The following SLC24A4 variants were observed in gnomAD, a reference collection of about 807,000 sequenced individuals.
The protein encoded by SLC24A4 is sodium/potassium/calcium exchanger 4.
In SLC24A4, 53 loss-of-function variants were observed where a neutral mutation model predicts 79.0. The observed-to-expected ratio is 0.67, with a 90% CI of 0.54 to 0.84. The LOEUF (loss-of-function observed/expected upper bound fraction) is 0.84, where lower values mean the gene tolerates loss of function less well. Among genes scored for constraint, SLC24A4 ranks in the 40% least tolerant of loss-of-function variants. SLC24A4 has a pLI of 0.00. For missense variants in SLC24A4, 731 were observed against 822.0 expected (o/e 0.89, Z 1.35); for synonymous variants, 323 against 323.8 (o/e 1.00, Z 0.03).
chr14:92,372,735 C>T (rs1888240339), intron 2 of SLC24A4, among the ~76,000 whole-genome samples: 1 of 152,140 alleles, frequency 6.6e-6, no homozygotes. Flanking sequence ...GCCCCTCAGC[C>T]TTGCTGAACT....
intron 9 of SLC24A4, among the ~76,000 whole-genome samples, chr14:92,448,859 C>A (rs1471297950): frequency 6.6e-6 from 1 of 152,148 alleles, no homozygotes; most frequent in Non-Finnish European, 1.5e-5. Context: ...ACCACCAGCT[C>A]AATAGGAGCA....
intron 13 of SLC24A4, among the ~76,000 whole-genome samples, chr14:92,485,481 A>G (rs1895299358): frequency 6.6e-6 from 1 of 152,104 alleles, no homozygotes; most frequent in Non-Finnish European, 1.5e-5. Flanking sequence ...GAAAAAAGAA[A>G]AGAAAAAAAA....
At chr14:92,400,281 A>C (rs1239536346) in intron 2 of SLC24A4, among the ~76,000 whole-genome samples, 3 of 152,046 alleles carry the variant, frequency 2.0e-5, no homozygotes, top group Admixed American at 6.5e-5. Flanking sequence ...TCTACTAAAA[A>C]TACAAAAACT....
At chr14:92,379,888 G>A (rs576951639) in intron 2 of SLC24A4, among the ~76,000 whole-genome samples, 2 of 152,206 alleles carry the variant, frequency 1.3e-5, no homozygotes, top group South Asian at 2.1e-4. Context: ...CAGACTCTCC[G>A]TCATCCAGGC....
At chr14:92,371,643 C>A (rs753026140) in intron 2 of SLC24A4, among the ~76,000 whole-genome samples, 3 of 152,220 alleles carry the variant, frequency 2.0e-5, no homozygotes, top group Non-Finnish European at 4.4e-5. Context: ...CCCCTCTCTA[C>A]AACACAGAAC....
At chr14:92,465,798 G>A (rs1366880038) in intron 12 of SLC24A4, among the ~76,000 whole-genome samples, 3 of 151,796 alleles carry the variant, frequency 2.0e-5, no homozygotes, top group South Asian at 4.2e-4. Flanking sequence ...CCAGGGAGGC[G>A]TCTCTTCCTG....
chr14:92,366,653 T>C (rs367823834), intron 2 of SLC24A4, among the ~76,000 whole-genome samples: 2 of 152,238 alleles, frequency 1.3e-5, no homozygotes, highest in African/African-American at 4.8e-5. Flanking sequence ...AATAAAACAA[T>C]GGGGCCAGAA....
At chr14:92,460,048 A>C (rs1893711328) in intron 12 of SLC24A4, among the ~76,000 whole-genome samples, 1 of 152,168 alleles carries the variant, frequency 6.6e-6, no homozygotes, top group Non-Finnish European at 1.5e-5. Context: ...GGCCGCGGGA[A>C]GAGGGGGAAG....
At position 92,403,495 on chromosome 14, in the gene SLC24A4, C is replaced by A. The variant is rs550838890; in HGVS notation, c.242-30417C>A. Among the ~76,000 whole-genome samples the A allele has an allele frequency of 6.0e-3, 910 of 152,024 alleles. 6 individuals are homozygous for A. Among genetic ancestry groups the A allele is most frequent in the Admixed American group, 7.0e-3 (107 of 15,274 alleles). On this transcript the variant is annotated intron_variant, in intron 2 of 16. Transcript: ENST00000532405. ...TGGTGGCAGGCACCTGTAATCCCAGCTACTCAGGAGGCTGAGGCAGGAGAA... is the reference window on the plus strand; with the variant it reads ...TGGTGGCAGGCACCTGTAATCCCAGATACTCAGGAGGCTGAGGCAGGAGAA...
chr14:92,485,701 TGAGA>T (rs973328044), intron 13 of SLC24A4, among the ~76,000 whole-genome samples: 1 of 152,042 alleles, frequency 6.6e-6, no homozygotes, highest in Non-Finnish European at 1.5e-5. Context: ...TTTGAGTGGG[TGAGA>T]GAATCAGGAA....
chr14:92,436,121 G>A (rs1009849254), intron 3 of SLC24A4, among the ~76,000 whole-genome samples: 1 of 152,198 alleles, frequency 6.6e-6, no homozygotes, highest in South Asian at 2.1e-4. Context: ...GGATGGGGAT[G>A]GGGAGGCCTC....
intron 2 of SLC24A4, among the ~76,000 whole-genome samples, chr14:92,374,392 G>T (rs1888381121): frequency 6.6e-6 from 1 of 152,212 alleles, no homozygotes; most frequent in African/African-American, 2.4e-5. Context: ...CATCTTGAAG[G>T]ACCCAGCTCT....
chr14:92,493,647 G>C lies in SLC24A4; in HGVS notation c.*19G>C. ...CGATTAGCGCTGAGTCGCGGCCCCT[G>C]GGAGCTGATCTGGACACCCTGTGAC... On this transcript the variant is annotated 3_prime_UTR_variant, in exon 17 of 17. Coordinates refer to ENST00000532405, the MANE Select transcript of SLC24A4 (RefSeq NM_153646.4). The C allele has an allele frequency of 6.2e-7, 1 of 1,613,202 alleles. No homozygotes were observed. Among genetic ancestry groups the C allele is most frequent in the East Asian group, 2.2e-5 (1 of 44,870 alleles).
At chr14:92,444,088 G>A (rs1272141325) in intron 7 of SLC24A4, among the ~76,000 whole-genome samples, 1 of 151,976 alleles carries the variant, frequency 6.6e-6, no homozygotes, top group African/African-American at 2.4e-5. Flanking sequence ...TCACGCAGTG[G>A]GAGCATGGGG....
intron 2 of SLC24A4, among the ~76,000 whole-genome samples, chr14:92,424,545 G>A (rs1273579636): frequency 2.6e-5 from 4 of 151,736 alleles, no homozygotes; most frequent in African/African-American, 7.3e-5. Flanking sequence ...CAAAAGAGCG[G>A]GAGAAGAGAG....
intron 12 of SLC24A4, among the ~76,000 whole-genome samples, chr14:92,464,759 G>A (rs67063100): frequency 0.075 from 11,486 of 152,280 alleles, 588 homozygotes; most frequent in East Asian, 0.16. Context: ...GGGGGCTGCC[G>A]AGGATGTCAC....
At chr14:92,419,686 A>G (rs1038731071) in intron 2 of SLC24A4, among the ~76,000 whole-genome samples, 5 of 152,220 alleles carry the variant, frequency 3.3e-5, no homozygotes, top group African/African-American at 9.6e-5. Flanking sequence ...TAGAGAAACC[A>G]GAGGATATAA....
intron 11 of SLC24A4, among the ~76,000 whole-genome samples, chr14:92,454,739 A>C (rs1423200828): frequency 1.3e-5 from 2 of 152,238 alleles, no homozygotes. Flanking sequence ...CACAGTGCCT[A>C]CGGGTTCATA....
At chr14:92,464,565 G>A (rs982595231) in intron 12 of SLC24A4, among the ~76,000 whole-genome samples, 1 of 147,802 alleles carries the variant, frequency 6.8e-6, no homozygotes, top group African/African-American at 2.5e-5. Context: ...GTGTGCTGAT[G>A]CTATAGCAAA....
Sources: gnomAD v4.1 joint callset for allele counts (sites outside exome capture counted in the v4.1 genomes callset) on GRCh38, gnomAD v4.1.1 for gene constraint, MANE v1.5 for transcripts, NCBI Gene and HGNC (gene_info 2026-07-23, HGNC 2026-07-21) for gene names.